GPC5: variants seen among roughly 807,000 people sequenced by gnomAD.
GPC5 encodes the protein glypican 5.
Under a neutral mutation model 53.9 loss-of-function variants are expected in GPC5, and 47 were observed. The ratio of observed to expected loss-of-function variants is 0.87; its 90% CI spans 0.69 to 1.11. The LOEUF (loss-of-function observed/expected upper bound fraction) is 1.11, where lower values mean the gene tolerates loss of function less well. Ranked by LOEUF, GPC5 falls within the 50% of genes most tolerant of loss-of-function variation. The probability of loss-of-function intolerance (pLI) is 0.00; values close to 1 mark genes in which losing one functional copy is unlikely to be tolerated. For synonymous variants in GPC5, 286 were observed against 263.3 expected (o/e 1.09, Z -0.84); for missense variants, 748 against 713.1 (o/e 1.05, Z -0.56).
chr13:91,970,057 G>T lies in GPC5; in HGVS notation c.1401+62000G>T, dbSNP rs531003719. Among the ~76,000 whole-genome samples the T allele has an allele frequency of 6.4e-4, 97 of 152,252 alleles. 1 individual carries two copies. Among genetic ancestry groups the T allele is most frequent in the Admixed American group, 1.1e-3 (17 of 15,290 alleles). On this transcript the variant is annotated intron_variant, in intron 6 of 7. Coordinates refer to ENST00000377067, the MANE Select transcript of GPC5 (RefSeq NM_004466.6). ...AATAAATGGTAAAGAAAATGTGCTA[G>T]ATACACACAATGGAAAACTATTCAG...
chr13:92,296,604 G>T (rs1291992651), intron 7 of GPC5, among the ~76,000 whole-genome samples: 2 of 152,144 alleles, frequency 1.3e-5, no homozygotes, highest in African/African-American at 4.8e-5. Flanking sequence ...CACTGTGGGA[G>T]CCCCTTTCTG....
At position 92,486,561 on chromosome 13, in the gene GPC5, A is replaced by T. The variant is rs7992087; in HGVS notation, c.1561+341572A>T. On this transcript the variant is annotated intron_variant, in intron 7 of 7. Transcript: ENST00000377067. ...TGGAAAGTGGGGTAAATTGAAAAAT[A>T]GTAGAGTTTTAGTTTCTAACACTCA... Among the ~76,000 whole-genome samples the T allele has an allele frequency of 4.6e-3, 702 of 152,304 alleles. 7 individuals are homozygous for T. Among genetic ancestry groups the T allele is most frequent in the African/African-American group, 0.016 (664 of 41,562 alleles).
At chr13:92,388,700 C>T (rs939653729) in intron 7 of GPC5, among the ~76,000 whole-genome samples, 2 of 152,106 alleles carry the variant, frequency 1.3e-5, no homozygotes, top group Non-Finnish European at 2.9e-5. Flanking sequence ...AGAAGCAGAT[C>T]TTTGCTGTGG....
At chr13:91,761,542 T>G (rs997160196) in intron 5 of GPC5, among the ~76,000 whole-genome samples, 1 of 152,216 alleles carries the variant, frequency 6.6e-6, no homozygotes, top group Non-Finnish European at 1.5e-5. Flanking sequence ...TGGCTTCAAG[T>G]TGGGGTTTCT....
intron 7 of GPC5, among the ~76,000 whole-genome samples, chr13:92,174,254 G>A (rs1303487109): frequency 4.0e-5 from 6 of 151,890 alleles, no homozygotes; most frequent in African/African-American, 1.2e-4. Flanking sequence ...GGGTGTGGTG[G>A]CTCACACCTG....
At chr13:92,293,473 T>C (rs907528871) in intron 7 of GPC5, among the ~76,000 whole-genome samples, 1 of 146,340 alleles carries the variant, frequency 6.8e-6, no homozygotes, top group Non-Finnish European at 1.5e-5. Flanking sequence ...AAAGGTTGAG[T>C]TCTTGATTTG....
chr13:92,292,978 A>G (rs1295745935), intron 7 of GPC5, among the ~76,000 whole-genome samples: 1 of 151,042 alleles, frequency 6.6e-6, no homozygotes, highest in African/African-American at 2.4e-5. Context: ...TTGGCTGTAA[A>G]TGTTTGGGTT....
At chr13:92,155,362 G>A (rs1193226039) in intron 7 of GPC5, among the ~76,000 whole-genome samples, 1 of 151,686 alleles carries the variant, frequency 6.6e-6, no homozygotes, top group Non-Finnish European at 1.5e-5. Flanking sequence ...TCTCCCCTCA[G>A]TGCACAATGA....
intron 7 of GPC5, among the ~76,000 whole-genome samples, chr13:92,244,262 G>A (rs1031280037): frequency 5.3e-5 from 8 of 152,150 alleles, no homozygotes; most frequent in African/African-American, 1.9e-4. Flanking sequence ...TATTTTTAAT[G>A]TCCCGGCATT....
chr13:91,993,102 A>C (rs2138738326), intron 6 of GPC5, among the ~76,000 whole-genome samples: 1 of 152,350 alleles, frequency 6.6e-6, no homozygotes. Flanking sequence ...TCTCTGAGAC[A>C]GACACATATT....
chr13:92,145,430 G>A (rs1172045129), intron 7 of GPC5, among the ~76,000 whole-genome samples: 1 of 151,768 alleles, frequency 6.6e-6, no homozygotes, highest in Non-Finnish European at 1.5e-5. Flanking sequence ...ATTGGTATAT[G>A]GTTATTGATC....
At chr13:92,276,309 C>A (rs1360267008) in intron 7 of GPC5, among the ~76,000 whole-genome samples, 1 of 152,106 alleles carries the variant, frequency 6.6e-6, no homozygotes, top group African/African-American at 2.4e-5. Context: ...ATCCACAGTG[C>A]ACCTAATCTT....
At chr13:92,077,532 T>C (rs770684862) in intron 6 of GPC5, among the ~76,000 whole-genome samples, 1 of 152,102 alleles carries the variant, frequency 6.6e-6, no homozygotes, top group Non-Finnish European at 1.5e-5. Flanking sequence ...TTTCCCAGAA[T>C]ACATGTCTCC....
At chr13:91,426,531 A>G (rs1879064498) in intron 1 of GPC5, among the ~76,000 whole-genome samples, 1 of 152,228 alleles carries the variant, frequency 6.6e-6, no homozygotes, top group Non-Finnish European at 1.5e-5. Context: ...AAAACCTAAA[A>G]GTAGGGAAGC....
chr13:92,255,393 T>C (rs1278010164), intron 7 of GPC5, among the ~76,000 whole-genome samples: 1 of 152,118 alleles, frequency 6.6e-6, no homozygotes, highest in Non-Finnish European at 1.5e-5. Context: ...GTCAGTAAAC[T>C]TGCATGGAAG....
intron 2 of GPC5, among the ~76,000 whole-genome samples, chr13:91,587,323 T>C (rs1396075022): frequency 1.3e-5 from 2 of 152,174 alleles, no homozygotes; most frequent in African/African-American, 2.4e-5. Flanking sequence ...TAAATGTCTC[T>C]TTGCAAACAG....
intron 6 of GPC5, among the ~76,000 whole-genome samples, chr13:92,054,052 TA>T (rs1468777355): frequency 2.7e-5 from 4 of 149,996 alleles, no homozygotes; most frequent in Non-Finnish European, 5.9e-5. Context: ...AATAAATAAA[TA>T]AATAAATAAA....
intron 7 of GPC5, among the ~76,000 whole-genome samples, chr13:92,846,127 G>A (rs1878603914): frequency 6.6e-6 from 1 of 152,104 alleles, no homozygotes; most frequent in East Asian, 1.9e-4. Flanking sequence ...ATAATCATAG[G>A]AGAAGGGGAA....
intron 7 of GPC5, among the ~76,000 whole-genome samples, chr13:92,206,177 T>A (rs559221977): frequency 4.7e-5 from 7 of 148,064 alleles, no homozygotes; most frequent in East Asian, 2.0e-4. Context: ...ATTTTTTTTT[T>A]TTTTTTGAGA....
Sources: allele counts gnomAD v4.1 joint callset (sites outside exome capture counted in the v4.1 genomes callset), GRCh38; gene constraint gnomAD v4.1.1; transcripts MANE v1.5; gene names NCBI Gene and HGNC (gene_info 2026-07-23, HGNC 2026-07-21).